Variants in DNAH9 observed in about 807,000 individuals in gnomAD.
DNAH9 encodes dynein axonemal heavy chain 9, also known as DNAH9 variant protein.
In DNAH9, 345 loss-of-function variants were observed where a neutral mutation model predicts 471.6. The observed-to-expected ratio is 0.73, with a 90% CI of 0.67 to 0.80. DNAH9 has a LOEUF of 0.80. DNAH9 is among the 30% of genes least tolerant of loss of function. The pLI, the probability that DNAH9 is intolerant of heterozygous loss-of-function variation, is 0.00. For missense variants in DNAH9, 5,407 were observed against 5,609.2 expected, an observed-to-expected ratio of 0.96 and a Z score of 1.15; for synonymous variants, 2,093 against 2,123.6, an observed-to-expected ratio of 0.99 and a Z score of 0.40.
intron 6 of DNAH9, among the ~76,000 whole-genome samples, chr17:11,628,872 T>C (rs1434755777): frequency 6.6e-6 from 1 of 152,184 alleles, no homozygotes; most frequent in Non-Finnish European, 1.5e-5. Flanking sequence ...TATTTATGTA[T>C]GTATATATTT....
At chr17:11,620,138 A>C (rs945753928) in intron 6 of DNAH9, among the ~76,000 whole-genome samples, 5 of 151,134 alleles carry the variant, frequency 3.3e-5, no homozygotes, top group African/African-American at 1.2e-4. Context: ...TGGCTTGAGC[A>C]TAGGAGGCAG....
In DNAH9 at chr17:11,932,252, A is replaced by G; in HGVS notation, c.12297+47A>G. On this transcript the variant is annotated intron_variant, in intron 64 of 68. Coordinates refer to ENST00000262442, the MANE Select transcript of DNAH9 (RefSeq NM_001372.4). The surrounding 1 kb of genome is among the most constrained non-coding windows in gnomAD (Gnocchi z 4.3). ...GGACCAGCCAGGTTGGGAGAGGGTT[A>G]AAATTATTTAATTTTGAGGGGTGAA... 6.3e-7 allele frequency: 1 copy of G among 1,581,196 alleles called. No homozygotes were observed. Among genetic ancestry groups the G allele is most frequent in the Non-Finnish European group, 8.6e-7 (1 of 1,159,798 alleles).
At chr17:11,734,522 G>C (rs571209946) in intron 28 of DNAH9, among the ~76,000 whole-genome samples, 1 of 152,204 alleles carries the variant, frequency 6.6e-6, no homozygotes, top group Non-Finnish European at 1.5e-5. Context: ...TAGAGTTTGG[G>C]TTCACATCAA....
chr17:11,662,342 T>G (rs546825433), intron 14 of DNAH9, among the ~76,000 whole-genome samples: 1 of 152,326 alleles, frequency 6.6e-6, no homozygotes, highest in South Asian at 2.1e-4. Context: ...TCTTTTTCAC[T>G]AAATTTTGTG....
At chr17:11,933,825 G>A (rs937466619) in intron 64 of DNAH9, 55 bp from the exon 65 acceptor site, 103 of 1,539,784 alleles carry the variant, frequency 6.7e-5, no homozygotes, top group Non-Finnish European at 8.6e-5. Context: ...GGCCAGCCCC[G>A]ACGCCTGTGT....
At chr17:11,753,615 G>A (rs1186436773) in intron 33 of DNAH9, among the ~76,000 whole-genome samples, 4 of 152,298 alleles carry the variant, frequency 2.6e-5, no homozygotes, top group Non-Finnish European at 4.4e-5. Context: ...GCAGTGAGCC[G>A]AGATCGCGCC....
At chr17:11,649,286 G>T (rs1406167288) in intron 12 of DNAH9, among the ~76,000 whole-genome samples, 2 of 151,892 alleles carry the variant, frequency 1.3e-5, no homozygotes, top group Non-Finnish European at 1.5e-5. Context: ...CTTATTGTTG[G>T]GCATTTACAT....
At chr17:11,862,934 G>A (rs566225715) in intron 50 of DNAH9, among the ~76,000 whole-genome samples, 85 of 151,890 alleles carry the variant, frequency 5.6e-4, no homozygotes, top group Admixed American at 9.2e-4. Context: ...AGACAATGGG[G>A]TTTTCTAGAT....
At chr17:11,810,190 T>C in intron 44 of DNAH9, 56 bp from the exon 45 acceptor site, 1 of 1,554,126 alleles carries the variant, frequency 6.4e-7, no homozygotes, top group Non-Finnish European at 8.7e-7. Flanking sequence ...TGGGTTGGAG[T>C]TCTCTTTCAA....
At chr17:11,869,498 A>C (rs1025609611) in intron 51 of DNAH9, among the ~76,000 whole-genome samples, 2 of 152,250 alleles carry the variant, frequency 1.3e-5, no homozygotes, top group Admixed American at 1.3e-4. Context: ...CAGGCAGCTC[A>C]TGCAAAATGG....
At chr17:11,618,482 A>G (rs2072789980) in intron 5 of DNAH9, among the ~76,000 whole-genome samples, 1 of 151,698 alleles carries the variant, frequency 6.6e-6, no homozygotes, top group African/African-American at 2.4e-5. Context: ...GCTACTTGGG[A>G]GGCTGAGGCA....
chr17:11,689,783 A>G lies in DNAH9; in HGVS notation c.3961A>G (p.Thr1321Ala), dbSNP rs1328395029. Residue 1321 changes from threonine to alanine, a missense_variant, in exon 20 of 69, where the codon ACC becomes GCC. Coordinates refer to ENST00000262442, the MANE Select transcript of DNAH9 (RefSeq NM_001372.4). ...GACCTCCAGCATCCATGCCTGGGAG[A>G]CCACACCCTGGAGGAATATCAACGT... ...MVTSSIHAWE[T>A]TPWRNINVEA... The G allele has an allele frequency of 6.2e-7, 1 of 1,614,202 alleles. No individual in the cohort carries two copies. The highest frequency in any genetic ancestry group is 1.7e-5 in the Admixed American group (1 of 60,020).
intron 22 of DNAH9, among the ~76,000 whole-genome samples, chr17:11,696,982 C>G (rs1181480333): frequency 6.6e-6 from 1 of 152,060 alleles, no homozygotes; most frequent in African/African-American, 2.4e-5. Flanking sequence ...GGTCCTCCCA[C>G]CTCAGGCTCC....
intron 36 of DNAH9, among the ~76,000 whole-genome samples, chr17:11,764,206 G>A (rs1967837077): frequency 6.6e-6 from 1 of 152,154 alleles, no homozygotes; most frequent in East Asian, 1.9e-4. Context: ...GAAGGGATAT[G>A]TGGCTTGGAA....
At chr17:11,685,530 G>C (rs964620633) in intron 19 of DNAH9, among the ~76,000 whole-genome samples, 8 of 152,176 alleles carry the variant, frequency 5.3e-5, no homozygotes, top group Admixed American at 4.6e-4. Flanking sequence ...CTCAATGGGA[G>C]AGTGGTTCCA....
intron 19 of DNAH9, among the ~76,000 whole-genome samples, chr17:11,688,680 T>C (rs1374202328): frequency 2.0e-5 from 3 of 152,162 alleles, no homozygotes; most frequent in Non-Finnish European, 2.9e-5. Context: ...AGTCTGGGCA[T>C]GGGGATCTTA....
chr17:11,787,132 G>A (rs79280280), intron 41 of DNAH9, among the ~76,000 whole-genome samples: 2,271 of 152,256 alleles, frequency 0.015, 31 homozygotes, highest in Middle Eastern at 0.055. Context: ...GTAGCCCACC[G>A]GGCCAGAGTA....
chr17:11,883,693 AGTG>A lies in DNAH9; in HGVS notation c.10915_10917del (p.Val3639del), dbSNP rs1555615049. On this transcript the variant is annotated inframe_deletion, in exon 56 of 69. Coordinates refer to ENST00000262442, the MANE Select transcript of DNAH9 (RefSeq NM_001372.4). ...CCTCTGGGAACTTCCTGGGAGAAAC[AGTG>A]CTGGTGGAAAACCTAGAGATCACCA... The A allele has an allele frequency of 2.5e-6, 4 of 1,614,178 alleles. No individual in the cohort carries two copies. Among genetic ancestry groups the A allele is most frequent in the Non-Finnish European group, 3.4e-6 (4 of 1,180,020 alleles).
intron 48 of DNAH9, among the ~76,000 whole-genome samples, chr17:11,825,229 C>A (rs766269108): frequency 7.2e-5 from 11 of 152,142 alleles, no homozygotes; most frequent in Non-Finnish European, 1.5e-4. Context: ...TTGTTTCAAT[C>A]TCTGAATCTG....
Sources: gnomAD v4.1 joint callset for allele counts (sites outside exome capture counted in the v4.1 genomes callset) on GRCh38, gnomAD v4.1.1 for gene constraint, Gnocchi (gnomAD v3.1) non-coding constraint, MANE v1.5 for transcripts, NCBI Gene and HGNC (gene_info 2026-07-23, HGNC 2026-07-21) for gene names.